Variants in ACTR6 observed in about 807,000 individuals in gnomAD.
ACTR6 encodes the protein actin related protein 6.
A neutral mutation model predicts 52.5 loss-of-function variants in ACTR6; 50 were observed. That is an observed-to-expected ratio of 0.95 (90% CI 0.76 to 1.20). The LOEUF (loss-of-function observed/expected upper bound fraction) is 1.20, where lower values mean the gene tolerates loss of function less well. Ranked by LOEUF, ACTR6 falls within the 50% of genes most tolerant of loss-of-function variation. The pLI is 0.00. For synonymous variants in ACTR6, 135 were observed against 147.2 expected, an observed-to-expected ratio of 0.92 and a Z score of 0.60; for missense variants, 344 against 472.4, an observed-to-expected ratio of 0.73 and a Z score of 2.52.
intron 6 of ACTR6, among the ~76,000 whole-genome samples, chr12:100,211,884 A>G (rs540997382): frequency 6.6e-6 from 1 of 152,272 alleles, no homozygotes; most frequent in African/African-American, 2.4e-5. Context: ...TGTGCTTGGT[A>G]CTGTGTGCTG....
Position 100,219,922 on chromosome 12 carries a change from C to T in ACTR6, c.923-86C>T, listed in dbSNP as rs536029602. ...ACTGTAATCCCTAATTGCTTCTTAT[C>T]TGATCCCTCATCCACATCTTTCCAG... On this transcript the variant is annotated intron_variant, in intron 9 of 10. Coordinates refer to ENST00000188312, the MANE Select transcript of ACTR6 (RefSeq NM_022496.5). 2.5e-5 allele frequency: 36 copies of T among 1,414,882 alleles called. No individual in the cohort carries two copies. In the African/African-American group the frequency reaches 5.1e-4, roughly 20 times the overall value. 87.6% of individuals were successfully genotyped at this position (1,414,882 alleles called of 1,614,324 possible).
In ACTR6 at chr12:100,207,586, A is replaced by C. The variant is rs568904905; in HGVS notation, c.256-77A>C. ...TCACGATTATTGTGAGGATTAAATA[A>C]ATTTGTTTGTACATGTAAAACAAGT... On this transcript the variant is annotated intron_variant, in intron 3 of 10. Transcript: ENST00000188312. 3.2e-5 allele frequency: 40 copies of C among 1,246,264 alleles called. No homozygotes were observed. The African/African-American group carries it at 5.6e-4, about 17-fold the overall frequency. 77.2% of individuals were successfully genotyped at this position (1,246,264 alleles called of 1,614,324 possible). A position where few individuals can be genotyped will look rare whatever the true frequency, so the allele number is the denominator to read the frequency against.
At chr12:100,204,622 C>G (rs2096112981) in intron 1 of ACTR6, among the ~76,000 whole-genome samples, 1 of 152,180 alleles carries the variant, frequency 6.6e-6, no homozygotes, top group South Asian at 2.1e-4. Context: ...GCCTTTGCCT[C>G]CCAAAGTGCT....
At chr12:100,205,299 AG>A (rs1256702415) in intron 2 of ACTR6, 1 of 343,572 alleles carries the variant, frequency 2.9e-6, no homozygotes, top group Non-Finnish European at 5.1e-6. Context: ...AAATAAGTAT[AG>A]GGAGGCAACT....
At chr12:100,212,601 G>A (rs2096120734) in intron 8 of ACTR6, 73 bp downstream of exon 8, 4 of 1,148,342 alleles carry the variant, frequency 3.5e-6, no homozygotes, top group Non-Finnish European at 5.2e-6. Context: ...GGGAGGCTAA[G>A]ATGGGAGTTA....
chr12:100,220,233 C>T, intron 10 of ACTR6, 87 bp downstream of exon 10: 1 of 1,337,774 alleles, frequency 7.5e-7, no homozygotes, highest in African/African-American at 1.5e-5. Flanking sequence ...ACCTGGCTCT[C>T]CCACGGTGGC....
chr12:100,218,396 A>C lies in ACTR6; in HGVS notation c.751-19A>C. ...GCTAGATAATATAACTTAAACTTTT[A>C]ATCTTCTTTGTCTTTAAGCCAAGGG... On this transcript the variant is annotated intron_variant, in intron 8 of 10. Transcript: ENST00000188312. The surrounding 1 kb of genome is among the most constrained non-coding windows in gnomAD (Gnocchi z 4.2). The C allele has an allele frequency of 1.3e-6, 2 of 1,598,696 alleles. No homozygotes were observed. The highest frequency in any genetic ancestry group is 1.7e-6 in the Non-Finnish European group (2 of 1,172,790).
intron 1 of ACTR6, chr12:100,201,122 C>T: frequency 1.5e-6 from 2 of 1,348,606 alleles, no homozygotes; most frequent in Non-Finnish European, 2.0e-6. Context: ...GCTGCGAGGC[C>T]CCGGAAGTGG....
At chr12:100,215,555 T>G (rs561314004) in intron 8 of ACTR6, among the ~76,000 whole-genome samples, 1 of 152,294 alleles carries the variant, frequency 6.6e-6, no homozygotes, top group African/African-American at 2.4e-5. Context: ...CAGGATACAC[T>G]CTGTTGCTGA....
At chr12:100,208,424 C>G (rs566894415) in intron 4 of ACTR6, among the ~76,000 whole-genome samples, 46 of 150,764 alleles carry the variant, frequency 3.1e-4, no homozygotes, top group African/African-American at 1.1e-3. Context: ...TACAGGCGTT[C>G]GCCACCATGC....
At chr12:100,212,584 G>A in intron 8 of ACTR6, 56 bp downstream of exon 8, 1 of 1,348,206 alleles carries the variant, frequency 7.4e-7, no homozygotes. Context: ...TATAATCCCA[G>A]CACTTGGGGA....
In ACTR6 at chr12:100,205,656, T is replaced by C. The variant is rs1283724250; in HGVS notation, c.187-20T>C. ...TATTCAAATGTTCTTGATAATTAAA[T>C]TTATAAAAACATTTTTTAGGGCTAC... is the stretch of plus-strand genomic sequence containing the variant. On this transcript the variant is annotated intron_variant, in intron 2 of 10. Coordinates refer to ENST00000188312, the MANE Select transcript of ACTR6 (RefSeq NM_022496.5). The C allele has an allele frequency of 6.9e-7, 1 of 1,441,692 alleles. No individual in the cohort carries two copies. The highest frequency in any genetic ancestry group is 2.4e-5 in the Admixed American group (1 of 41,044). 89.3% of individuals were successfully genotyped at this position (1,441,692 alleles called of 1,614,324 possible).
chr12:100,206,055 G>A (rs2096114329), intron 3 of ACTR6: 1 of 179,666 alleles, frequency 5.6e-6, no homozygotes, highest in East Asian at 1.4e-4. Context: ...TGTTTTTAAT[G>A]TCTGTAATGT....
intron 9 of ACTR6, 36 bp from the exon 10 acceptor site, chr12:100,219,972 C>CT: frequency 3.1e-6 from 5 of 1,605,586 alleles, no homozygotes; most frequent in East Asian, 2.2e-5. Flanking sequence ...TTTCTAATGC[C>CT]TTTTTTCCTT....
At chr12:100,221,304 A>G (rs1014499864) in intron 10 of ACTR6, among the ~76,000 whole-genome samples, 3 of 152,148 alleles carry the variant, frequency 2.0e-5, no homozygotes, top group African/African-American at 7.2e-5. Flanking sequence ...TTTAAAGCTA[A>G]AGTAGAATTT....
At chr12:100,209,668 A>G (rs938748361) in intron 4 of ACTR6, among the ~76,000 whole-genome samples, 1 of 152,208 alleles carries the variant, frequency 6.6e-6, no homozygotes, top group African/African-American at 2.4e-5. Flanking sequence ...GGCTTTGAGC[A>G]CATTACTTTA....
chr12:100,205,371 G>GT (rs2096113594), intron 2 of ACTR6: 1 of 283,358 alleles, frequency 3.5e-6, no homozygotes, highest in South Asian at 1.1e-4. Context: ...TTGTGAGTTT[G>GT]TTTTTTAACT....
At chr12:100,219,867 C>A in intron 9 of ACTR6, 141 bp from the exon 10 acceptor site, 2 of 745,802 alleles carry the variant, frequency 2.7e-6, no homozygotes, top group Non-Finnish European at 2.1e-6. Flanking sequence ...TTAGAATGGA[C>A]CTGAAAATTT....
Position 100,218,718 on chromosome 12 carries a change from C to G in ACTR6, c.922+132C>G. On this transcript the variant is annotated intron_variant, in intron 9 of 10. Transcript: ENST00000188312. The surrounding 1 kb of genome is among the most constrained non-coding windows in gnomAD (Gnocchi z 4.2). ...GTTTTATTTGCAGAGATTTGTAGAT[C>G]CCATAATGCATTTATATAATTCTTG... is the stretch of plus-strand genomic sequence containing the variant. The G allele has an allele frequency of 2.0e-6, 1 of 489,412 alleles. No individual in the cohort carries two copies. The highest frequency in any genetic ancestry group is 3.3e-6 in the Non-Finnish European group (1 of 304,352). 30.3% of individuals were successfully genotyped at this position (489,412 alleles called of 1,614,324 possible). A position where few individuals can be genotyped will look rare whatever the true frequency, so the allele number is the denominator to read the frequency against.
Sources: allele counts gnomAD v4.1 joint callset (sites outside exome capture counted in the v4.1 genomes callset), GRCh38; gene constraint gnomAD v4.1.1; non-coding constraint Gnocchi (gnomAD v3.1); transcripts MANE v1.5; gene names NCBI Gene and HGNC (gene_info 2026-07-23, HGNC 2026-07-21).